The following DGKA variants were observed in gnomAD, a reference collection of about 807,000 sequenced individuals.
DGKA encodes the protein diacylglycerol kinase alpha, also known as 80 kDa diacylglycerol kinase.
DGKA carries 35 observed loss-of-function variants against 105.0 expected under a neutral mutation model. The observed-to-expected ratio is 0.33, with a 90% CI of 0.25 to 0.44. The LOEUF (loss-of-function observed/expected upper bound fraction) is 0.44. Ranked by LOEUF, DGKA falls within the 20% of genes least tolerant of loss-of-function variation. The pLI is 1.00. For synonymous variants in DGKA, 296 were observed against 332.0 expected, an observed-to-expected ratio of 0.89 and a Z score of 1.18; for missense variants, 665 against 915.0, an observed-to-expected ratio of 0.73 and a Z score of 3.53.
intron 17 of DGKA, among the ~76,000 whole-genome samples, chr12:55,950,417 C>T (rs1887932835): frequency 6.6e-6 from 1 of 152,130 alleles, no homozygotes; most frequent in East Asian, 1.9e-4. Flanking sequence ...CGCCATTCTC[C>T]TGCCTCAGCC....
rs904133143 is a variant in DGKA, at chr12:55,936,948, C to A, written c.65-69C>A. On this transcript the variant is annotated intron_variant, in intron 2 of 23. Coordinates refer to ENST00000331886, the MANE Select transcript of DGKA (RefSeq NM_001345.5). ...CATCTCATTTGAATCTTTTTTCCTGCTGGATTTCTCTGGCAAGAGAACTCA... is the reference window on the plus strand; with the variant it reads ...CATCTCATTTGAATCTTTTTTCCTGATGGATTTCTCTGGCAAGAGAACTCA... 9.5e-6 allele frequency: 13 copies of A among 1,361,372 alleles called. No homozygotes were observed. The African/African-American group carries it at 1.4e-4, about 15-fold the overall frequency. 84.3% of individuals were successfully genotyped at this position (1,361,372 alleles called of 1,614,324 possible).
At position 55,940,712 on chromosome 12, in the gene DGKA, C is replaced by T; in HGVS notation, c.1007C>T (p.Pro336Leu). 6.2e-7 allele frequency: 1 copy of T among 1,611,044 alleles called. No individual in the cohort carries two copies. Among genetic ancestry groups the T allele is most frequent in the Non-Finnish European group, 8.5e-7 (1 of 1,179,234 alleles). Residue 336 changes from proline to leucine, a missense_variant, in exon 12 of 24, where the codon CCC becomes CTC. By Grantham distance (98) the Pro-to-Leu change is moderately conservative. Transcript: ENST00000331886. This position sits in a 1 kb window ranked among gnomAD's most constrained non-coding sequence, Gnocchi z 4.3. ...ATCCTGCCTCCATCTTCCATCTATC[C>T]CAGTGTCCTGGTGAGACCCTCGGCA... ...DHILPPSSIYPSVLASGPDRK... is the reference protein window; with the variant it reads ...DHILPPSSIYLSVLASGPDRK...
intron 3 of DGKA, 84 bp downstream of exon 3, chr12:55,937,174 G>A: frequency 6.8e-7 from 1 of 1,471,588 alleles, no homozygotes; most frequent in Non-Finnish European, 9.5e-7. Flanking sequence ...ATTATTCTGG[G>A]CCTGCCCCTC....
At chr12:55,950,549 G>C (rs1056989593) in intron 17 of DGKA, among the ~76,000 whole-genome samples, 2 of 151,962 alleles carry the variant, frequency 1.3e-5, no homozygotes, top group Non-Finnish European at 2.9e-5. Context: ...CTCGTGATCC[G>C]CCCGCCTCGG....
chr12:55,940,578 G>T lies in DGKA; in HGVS notation c.919-46G>T. ...AGCCCAGACTGCCAGGTTGAGAGGA[G>T]ACAGGGTTACCTTCGTGATCTCTCT... On this transcript the variant is annotated intron_variant, in intron 11 of 23. Transcript: ENST00000331886. The surrounding 1 kb of genome is among the most constrained non-coding windows in gnomAD (Gnocchi z 4.3). 1.9e-6 allele frequency: 3 copies of T among 1,555,646 alleles called. No homozygotes were observed. Among genetic ancestry groups the T allele is most frequent in the Non-Finnish European group, 2.6e-6 (3 of 1,152,206 alleles).
At chr12:55,933,332 T>C (rs1428817558) in intron 1 of DGKA, among the ~76,000 whole-genome samples, 1 of 152,084 alleles carries the variant, frequency 6.6e-6, no homozygotes, top group Admixed American at 6.5e-5. Flanking sequence ...CTCGCCCCAA[T>C]TGGGTAGGGG....
chr12:55,933,399 T>C (rs1247935335), intron 1 of DGKA: 1 of 152,202 alleles, frequency 6.6e-6, no homozygotes, highest in Non-Finnish European at 1.5e-5. Context: ...GCTGGCAGGC[T>C]GGCAGCAGAC....
chr12:55,936,140 G>T, intron 1 of DGKA: 1 of 673,862 alleles, frequency 1.5e-6, no homozygotes, highest in Non-Finnish European at 1.9e-6. Flanking sequence ...GGGAAGGTGA[G>T]GGTGGTCAGA....
At position 55,940,115 on chromosome 12, in the gene DGKA, T is replaced by C; in HGVS notation, c.743T>C (p.Met248Thr). 1 of 1,614,194 alleles carries C rather than the reference T, an allele frequency of 6.2e-7. No homozygotes were observed. Among genetic ancestry groups the C allele is most frequent in the Non-Finnish European group, 8.5e-7 (1 of 1,180,020 alleles). Reference sequence around the variant, plus strand: ...TACACTGTTCACGACCAGTGTGCCATGAAAGCCCTGCCTTGTGAAGTCAGC... The same window carrying C: ...TACACTGTTCACGACCAGTGTGCCACGAAAGCCCTGCCTTGTGAAGTCAGC... ...CKYTVHDQCA[M>T]KALPCEVSTY... Residue 248 changes from methionine to threonine, a missense_variant, in exon 10 of 24, where the codon ATG (methionine) becomes ACG (threonine). This residue lies in a region of DGKA where 504 missense variants were observed against 681.2 expected (regional missense o/e 0.74). Transcript: ENST00000331886. The surrounding 1 kb of genome is among the most constrained non-coding windows in gnomAD (Gnocchi z 4.3).
In DGKA at chr12:55,951,740, C is replaced by T; in HGVS notation, c.1544C>T (p.Pro515Leu). ...CAACAAACTGAAGAAAAAAGTGACC[C>T]AGTCCCCTTTCAAATCATCAATAAC... Reference protein sequence around the residue: ...IPQQTEEKSDPVPFQIINNYF... With the variant: ...IPQQTEEKSDLVPFQIINNYF... Residue 515 changes from proline to leucine, a missense_variant, in exon 18 of 24, where the codon CCA becomes CTA. Physicochemically the swap from Pro to Leu is moderately conservative, Grantham distance 98. Transcript: ENST00000331886. 1 of 1,614,038 alleles carries T rather than the reference C, an allele frequency of 6.2e-7. No individual in the cohort carries two copies. Among genetic ancestry groups the T allele is most frequent in the Non-Finnish European group, 8.5e-7 (1 of 1,180,028 alleles).
chr12:55,944,822 C>T (rs1050869622), intron 17 of DGKA, among the ~76,000 whole-genome samples: 2 of 152,090 alleles, frequency 1.3e-5, no homozygotes, highest in Non-Finnish European at 2.9e-5. Flanking sequence ...CTTTTTGAGA[C>T]AGAGTCTCAT....
chr12:55,946,234 G>A (rs1053572591), intron 17 of DGKA, among the ~76,000 whole-genome samples: 1 of 151,414 alleles, frequency 6.6e-6, no homozygotes, highest in South Asian at 2.1e-4. Flanking sequence ...GCAATGGCAC[G>A]GTCTGGGCTC....
rs1259950501 is a variant in DGKA at position 55,953,277 on chromosome 12, A to C, written c.2064-73A>C. 4.3e-6 allele frequency: 7 copies of C among 1,612,198 alleles called. No homozygotes were observed. The African/African-American group carries it at 9.4e-5, about 22-fold the overall frequency. On this transcript the variant is annotated intron_variant, in intron 22 of 23. Transcript: ENST00000331886. ...TCTCCCTCAATGACAAAAGGTCTCA[A>C]AGCCAACCTAAGAAGCAGAGTTTTG... is the stretch of plus-strand genomic sequence containing the variant.
intron 3 of DGKA, among the ~76,000 whole-genome samples, 155 bp downstream of exon 3, chr12:55,937,245 A>G (rs1884935826): frequency 6.6e-6 from 1 of 152,118 alleles, no homozygotes; most frequent in Non-Finnish European, 1.5e-5. Flanking sequence ...TTTAGGATAA[A>G]ACAAGGGATT....
intron 9 of DGKA, 155 bp from the exon 10 acceptor site, chr12:55,939,927 G>T: frequency 1.5e-6 from 1 of 665,588 alleles, no homozygotes; most frequent in Non-Finnish European, 2.7e-6. Context: ...TAAGGAAAAG[G>T]CGTGGGTTTT....
At chr12:55,928,676 C>CAAAAAAAAAA (rs56280303), upstream of DGKA, among the ~76,000 whole-genome samples, 3 of 47,258 alleles carry the variant, frequency 6.3e-5, no homozygotes, top group Admixed American at 3.7e-4. Flanking sequence ...GACCCCGTCT[C>CAAAAAAAAAA]AAAAAAAAAA....
intron 18 of DGKA, 78 bp from the exon 19 acceptor site, chr12:55,951,957 A>C (rs1888237152): frequency 6.4e-7 from 1 of 1,569,024 alleles, no homozygotes; most frequent in Non-Finnish European, 8.8e-7. Context: ...GGGGAGCAGC[A>C]TGGGGACTTG....
intron 3 of DGKA, 119 bp from the exon 4 acceptor site, chr12:55,937,289 C>A: frequency 7.6e-7 from 1 of 1,317,794 alleles, no homozygotes. Context: ...AGAAACCATA[C>A]TCCTGCCTCA....
chr12:55,953,455 A>G (rs1485169918), intron 23 of DGKA, 45 bp downstream of exon 23: 3 of 1,591,028 alleles, frequency 1.9e-6, no homozygotes, highest in South Asian at 2.2e-5. Flanking sequence ...CTTGGGCTCC[A>G]TGGATCCTAA....
Sources: gnomAD v4.1 joint callset for allele counts (sites outside exome capture counted in the v4.1 genomes callset) on GRCh38, gnomAD v4.1.1 for gene constraint, gnomAD v4.1.1 regional missense constraint, Gnocchi (gnomAD v3.1) non-coding constraint, MANE v1.5 for transcripts, NCBI Gene and HGNC (gene_info 2026-07-23, HGNC 2026-07-21) for gene names.